FBXO11: variants seen among roughly 807,000 people sequenced by gnomAD.
FBXO11 encodes F-box protein 11, also known as F-box only protein 11.
Under a neutral mutation model 117.0 loss-of-function variants are expected in FBXO11, and 13 were observed. That is an observed-to-expected ratio of 0.11 (90% CI 0.07 to 0.18). The LOEUF is 0.18. Among genes scored for constraint, FBXO11 ranks in the 10% least tolerant of loss-of-function variants. The pLI is 1.00. For missense variants in FBXO11, 767 were observed against 1,164.4 expected (o/e 0.66, Z 4.97); for synonymous variants, 490 against 380.5 (o/e 1.29, Z -3.35).
At chr2:47,848,110 C>T (rs1043076467) in intron 1 of FBXO11, among the ~76,000 whole-genome samples, 4 of 151,472 alleles carry the variant, frequency 2.6e-5, no homozygotes, top group Non-Finnish European at 4.4e-5. Flanking sequence ...GGCGACAGAG[C>T]GAGACCCCAT....
chr2:47,868,256 C>G lies in FBXO11; in HGVS notation c.233-28487G>C, dbSNP rs951591509. Among the ~76,000 whole-genome samples, 3 of 139,290 alleles carry G rather than the reference C, an allele frequency of 2.2e-5. No individual in the cohort carries two copies. The South Asian group carries it at 7.0e-4, about 33-fold the overall frequency. The allele number at this position is 139,290 out of a possible 152,430, so 91.4% of individuals were successfully genotyped here. On this transcript the variant is annotated intron_variant, in intron 1 of 22. Transcript: ENST00000403359. ...CGAGATCGCGCCACTGCACTACAGC[C>G]TGGGGGTAGAGCAAGACTCTACCTC...
chr2:47,828,515 C>G (rs918938386), intron 11 of FBXO11, among the ~76,000 whole-genome samples: 3 of 151,030 alleles, frequency 2.0e-5, no homozygotes, highest in Non-Finnish European at 4.4e-5. Context: ...GACTGAGACA[C>G]AAGAATTGCT....
At chr2:47,837,591 T>C (rs568223887) in intron 4 of FBXO11, among the ~76,000 whole-genome samples, 1 of 152,340 alleles carries the variant, frequency 6.6e-6, no homozygotes, top group South Asian at 2.1e-4. Flanking sequence ...GTAATACATA[T>C]AACCGTTGTA....
Position 47,813,514 on chromosome 2 carries a change from C to T in FBXO11, c.2084-137G>A. On this transcript the variant is annotated intron_variant, in intron 17 of 22. Transcript: ENST00000403359. ...TGGCGCGATCTTGGCTCACTGCAACCTCCACCTCCCGGGTTCAAGTGATTC... is the reference window on the plus strand; with the variant it reads ...TGGCGCGATCTTGGCTCACTGCAACTTCCACCTCCCGGGTTCAAGTGATTC... The T allele has an allele frequency of 6.5e-6, 4 of 617,214 alleles. No homozygotes were observed. The South Asian group carries it at 6.8e-5, about 10-fold the overall frequency. The allele number at this position is 617,214 out of a possible 1,614,324, so 38.2% of individuals were successfully genotyped here.
At chr2:47,885,814 T>C (rs963742573) in intron 1 of FBXO11, among the ~76,000 whole-genome samples, 23 of 152,218 alleles carry the variant, frequency 1.5e-4, no homozygotes, top group African/African-American at 5.5e-4. Flanking sequence ...AAATCTTCTA[T>C]GGCCTTTGGC....
chr2:47,809,810 T>C (rs1670485053), intron 19 of FBXO11, 103 bp from the exon 20 acceptor site: 2 of 693,838 alleles, frequency 2.9e-6, no homozygotes, highest in Admixed American at 2.5e-5. Flanking sequence ...TAGAAGTACA[T>C]TAACCCTCTT....
intron 13 of FBXO11, among the ~76,000 whole-genome samples, chr2:47,821,659 C>A: frequency 6.6e-6 from 1 of 151,272 alleles, no homozygotes; most frequent in South Asian, 2.1e-4. Context: ...GTAGCATGCA[C>A]CTGTAATCCC....
chr2:47,810,246 T>G, intron 19 of FBXO11, 70 bp downstream of exon 19: 1 of 1,017,168 alleles, frequency 9.8e-7, no homozygotes, highest in Non-Finnish European at 1.4e-6. Context: ...CAAAACAAAA[T>G]GAATATACTC....
chr2:47,906,268 G>C lies in FBXO11; in HGVS notation c.-548C>G, dbSNP rs1678808300. Reference sequence around the variant, plus strand: ...CCCACACCCCCTGAAAGAGATTTCTGTGAGGAATTTTTCTCTCTTTCTTCG... The same window carrying C: ...CCCACACCCCCTGAAAGAGATTTCTCTGAGGAATTTTTCTCTCTTTCTTCG... On this transcript the variant is annotated 5_prime_UTR_variant, in exon 1 of 23. Coordinates refer to ENST00000403359, the MANE Select transcript of FBXO11 (RefSeq NM_001190274.2). 1.3e-5 allele frequency: 2 copies of C among 156,994 alleles called. No individual in the cohort carries two copies. 9.7% of individuals were successfully genotyped at this position (156,994 alleles called of 1,614,324 possible).
intron 1 of FBXO11, among the ~76,000 whole-genome samples, chr2:47,847,815 T>A (rs1248392608): frequency 6.6e-6 from 1 of 151,930 alleles, no homozygotes; most frequent in East Asian, 1.9e-4. Context: ...TTAGACAGAC[T>A]GTGTGTGTAT....
Position 47,839,425 on chromosome 2 carries a change from G to C in FBXO11, c.436C>G (p.Leu146Val), listed in dbSNP as rs1379795348. ...ACTTTCCCACAGGAAATACCTGATA[G>C]ATCTTGTGATTTTCCAGACACTCTT... Reference protein sequence around the residue: ...RARVSGKSQDLSAAPAEQYLQ... With the variant: ...RARVSGKSQDVSAAPAEQYLQ... Residue 146 changes from leucine (L) to valine (V), a missense_variant, in exon 3 of 23, where the codon CTA (leucine) becomes GTA (valine). Around this residue, in one of 10 missense-constraint regions of FBXO11, gnomAD observed 355 missense variants for 299.8 expected, o/e 1.18. Coordinates refer to ENST00000403359, the MANE Select transcript of FBXO11 (RefSeq NM_001190274.2). 1.9e-6 allele frequency: 3 copies of C among 1,612,220 alleles called. No homozygotes were observed. The highest frequency in any genetic ancestry group is 2.7e-5 in the African/African-American group (2 of 74,854).
intron 13 of FBXO11, among the ~76,000 whole-genome samples, chr2:47,821,858 A>C (rs1671414223): frequency 6.6e-6 from 1 of 151,996 alleles, no homozygotes; most frequent in African/African-American, 2.4e-5. Flanking sequence ...TTGGGAGACC[A>C]AGGCGGGAAG....
intron 1 of FBXO11, among the ~76,000 whole-genome samples, chr2:47,848,933 A>G (rs1464543629): frequency 6.6e-6 from 1 of 152,210 alleles, no homozygotes; most frequent in Non-Finnish European, 1.5e-5. Context: ...TATAAAGTTA[A>G]GAGTAGTTTA....
chr2:47,806,975 A>C lies in FBXO11; in HGVS notation c.*1143T>G. On this transcript the variant is annotated 3_prime_UTR_variant, in exon 23 of 23. Coordinates refer to ENST00000403359, the MANE Select transcript of FBXO11 (RefSeq NM_001190274.2). ...ATGACCATTTTTCCATTTTCTTTCT[A>C]GGAAATTAAACCCTTTTAATTCTTA... 1 of 830,298 alleles carries C rather than the reference A, an allele frequency of 1.2e-6. No homozygotes were observed. The highest frequency in any genetic ancestry group is 1.5e-5 in the South Asian group (1 of 68,546). 51.4% of individuals were successfully genotyped at this position (830,298 alleles called of 1,614,324 possible). A position where few individuals can be genotyped will look rare whatever the true frequency, so the allele number is the denominator to read the frequency against.
At chr2:47,854,989 A>G (rs1215931611) in intron 1 of FBXO11, among the ~76,000 whole-genome samples, 1 of 152,088 alleles carries the variant, frequency 6.6e-6, no homozygotes, top group Non-Finnish European at 1.5e-5. Context: ...CTCCTTCAAT[A>G]TCAGCAATAA....
chr2:47,811,502 C>A (rs1014375824), intron 18 of FBXO11: 1 of 152,256 alleles, frequency 6.6e-6, no homozygotes, highest in Admixed American at 6.5e-5. Context: ...CAGGCATGAG[C>A]CACTGCACCC....
At chr2:47,891,676 A>G (rs1310383339) in intron 1 of FBXO11, among the ~76,000 whole-genome samples, 2 of 152,082 alleles carry the variant, frequency 1.3e-5, no homozygotes, top group Admixed American at 1.3e-4. Flanking sequence ...TTCTATTTTT[A>G]ATTTTTTGAG....
At chr2:47,809,391 G>A in intron 20 of FBXO11, 125 bp from the exon 21 acceptor site, 1 of 699,688 alleles carries the variant, frequency 1.4e-6, no homozygotes, top group Non-Finnish European at 2.3e-6. Flanking sequence ...GCTAACCAAT[G>A]AAGTAATTGT....
rs2103708693 is a variant in FBXO11, at chr2:47,857,428, T to C, written c.233-17659A>G. Among the ~76,000 whole-genome samples, 4 of 152,148 alleles carry C rather than the reference T, an allele frequency of 2.6e-5. No individual in the cohort carries two copies. The Middle Eastern group carries it at 0.01, about 388-fold the overall frequency. On this transcript the variant is annotated intron_variant, in intron 1 of 22. Coordinates refer to ENST00000403359, the MANE Select transcript of FBXO11 (RefSeq NM_001190274.2). ...GAGCCACCACACCTGGCCAGAAATT[T>C]TATGGTCTCATACAGACATACATAT...
Sources: gnomAD v4.1 joint callset for allele counts (sites outside exome capture counted in the v4.1 genomes callset) on GRCh38, gnomAD v4.1.1 for gene constraint, gnomAD v4.1.1 regional missense constraint, MANE v1.5 for transcripts, NCBI Gene and HGNC (gene_info 2026-07-23, HGNC 2026-07-21) for gene names.